Variants in ZBTB38 observed in about 807,000 individuals in gnomAD.
ZBTB38 encodes the protein zinc finger and BTB domain containing 38.
Under a neutral mutation model 76.8 loss-of-function variants are expected in ZBTB38, and 20 were observed. The observed-to-expected ratio is 0.26, with a 90% CI of 0.18 to 0.38. The LOEUF is 0.38. Ranked by LOEUF, ZBTB38 falls within the 10% of genes least tolerant of loss-of-function variation. The pLI is 1.00. For synonymous variants in ZBTB38, 504 were observed against 544.2 expected, an observed-to-expected ratio of 0.93 and a Z score of 1.03; for missense variants, 1,082 against 1,482.3, an observed-to-expected ratio of 0.73 and a Z score of 4.43.
intron 5 of ZBTB38, among the ~76,000 whole-genome samples, chr3:141,406,112 T>A (rs1424451335): frequency 2.0e-5 from 3 of 152,328 alleles, no homozygotes; most frequent in African/African-American, 7.2e-5. Context: ...GCATCAAAAC[T>A]GGAGAACATT....
At position 141,447,655 on chromosome 3, in the gene ZBTB38, G is replaced by A. The variant is rs2081199027; in HGVS notation, c.*1679G>A. The A allele has an allele frequency of 1.3e-5, 2 of 152,218 alleles. No individual in the cohort carries two copies. Among genetic ancestry groups the A allele is most frequent in the African/African-American group, 2.4e-5 (1 of 41,440 alleles). The allele number at this position is 152,218 out of a possible 1,614,324, so 9.4% of individuals were successfully genotyped here. ...TGACAGATGGAAACCCAAGGTTATCGAAGATTGGAAGGTTATCATTGTGAA... is the reference window on the plus strand; with the variant it reads ...TGACAGATGGAAACCCAAGGTTATCAAAGATTGGAAGGTTATCATTGTGAA... On this transcript the variant is annotated 3_prime_UTR_variant, in exon 6 of 6. Transcript: ENST00000321464.
intron 5 of ZBTB38, among the ~76,000 whole-genome samples, chr3:141,411,933 G>T (rs1015580856): frequency 3.3e-5 from 5 of 152,138 alleles, no homozygotes; most frequent in African/African-American, 1.2e-4. Flanking sequence ...TGTCACATTT[G>T]AAGAATCTCT....
chr3:141,402,741 C>T (rs936498224), intron 4 of ZBTB38: 13 of 152,104 alleles, frequency 8.5e-5, no homozygotes, highest in South Asian at 4.1e-4. Context: ...CGCCGCATCC[C>T]GTGGCCCAAC....
intron 1 of ZBTB38, among the ~76,000 whole-genome samples, chr3:141,333,506 T>C (rs1341421023): frequency 6.6e-6 from 1 of 152,114 alleles, no homozygotes; most frequent in Non-Finnish European, 1.5e-5. Context: ...ATTTGTGAGA[T>C]GGAGGCTCAG....
chr3:141,353,518 T>C (rs1404776612), intron 1 of ZBTB38, among the ~76,000 whole-genome samples: 1 of 151,500 alleles, frequency 6.6e-6, no homozygotes, highest in Non-Finnish European at 1.5e-5. Context: ...ACCAATACAA[T>C]AGATATTTCA....
At chr3:141,434,395 G>C (rs116077547) in intron 5 of ZBTB38, among the ~76,000 whole-genome samples, 2,054 of 151,392 alleles carry the variant, frequency 0.014, 44 homozygotes, top group African/African-American at 0.046. Flanking sequence ...TGTGTGCACT[G>C]GGGGGGCGGG....
chr3:141,446,043 G>T lies in ZBTB38; in HGVS notation c.*67G>T. ...TTTTTTTAGTTATGATTTAAGTTTA[G>T]TTTCATTTTGTCCATGTGACAGTCA... On this transcript the variant is annotated 3_prime_UTR_variant, in exon 6 of 6. Coordinates refer to ENST00000321464, the MANE Select transcript of ZBTB38 (RefSeq NM_001376113.1). 7.4e-7 allele frequency: 1 copy of T among 1,345,982 alleles called. No homozygotes were observed. The highest frequency in any genetic ancestry group is 1.0e-6 in the Non-Finnish European group (1 of 1,003,214). 83.4% of individuals were successfully genotyped at this position (1,345,982 alleles called of 1,614,324 possible).
At chr3:141,367,101 C>T (rs1181330250), upstream of ZBTB38, 1 of 152,342 alleles carries the variant, frequency 6.6e-6, no homozygotes, top group Non-Finnish European at 1.5e-5. Context: ...ACTCTAAAAC[C>T]ACACCACAGT....
chr3:141,441,380 G>A (rs1009409422), intron 5 of ZBTB38, among the ~76,000 whole-genome samples: 7 of 152,220 alleles, frequency 4.6e-5, no homozygotes, highest in African/African-American at 7.2e-5. Flanking sequence ...ATTCTTGTCC[G>A]TTCTTGTCAA....
chr3:141,366,732 A>T (rs778407324), upstream of ZBTB38: 2 of 152,172 alleles, frequency 1.3e-5, no homozygotes, highest in African/African-American at 2.4e-5. Context: ...TGGGAAGGAA[A>T]GCTGTGGGTG....
At chr3:141,436,542 G>A (rs904178790) in intron 5 of ZBTB38, among the ~76,000 whole-genome samples, 3 of 152,144 alleles carry the variant, frequency 2.0e-5, no homozygotes, top group African/African-American at 7.2e-5. Flanking sequence ...CTGTTGCCTA[G>A]GCTGGAATGC....
At chr3:141,431,337 A>T (rs1362323908) in intron 5 of ZBTB38, among the ~76,000 whole-genome samples, 1,512 of 101,998 alleles carry the variant, frequency 0.015, 112 homozygotes, top group African/African-American at 0.084. Context: ...AAAAAAAAAA[A>T]AAAAATATAT....
chr3:141,331,832 T>C (rs1252447948), intron 1 of ZBTB38, among the ~76,000 whole-genome samples: 2 of 152,220 alleles, frequency 1.3e-5, no homozygotes, highest in African/African-American at 2.4e-5. Flanking sequence ...TGTCTGGTGA[T>C]CATGCATCTG....
chr3:141,395,512 C>T (rs1950158120), intron 4 of ZBTB38, among the ~76,000 whole-genome samples: 1 of 152,152 alleles, frequency 6.6e-6, no homozygotes, highest in Non-Finnish European at 1.5e-5. Context: ...CAAGACAAAA[C>T]TGAAGATACT....
chr3:141,436,513 T>C (rs1577451120), intron 5 of ZBTB38, among the ~76,000 whole-genome samples: 2 of 152,196 alleles, frequency 1.3e-5, no homozygotes, highest in East Asian at 3.9e-4. Context: ...ATTTTTTTTG[T>C]GTGTGACTGA....
At chr3:141,341,431 G>A (rs889642363) in intron 1 of ZBTB38, among the ~76,000 whole-genome samples, 5 of 152,166 alleles carry the variant, frequency 3.3e-5, no homozygotes, top group Admixed American at 2.0e-4. Flanking sequence ...TAAACCGAAC[G>A]TCCATCAACT....
intron 1 of ZBTB38, among the ~76,000 whole-genome samples, chr3:141,333,762 C>T (rs967291468): frequency 6.6e-6 from 1 of 152,196 alleles, no homozygotes; most frequent in Non-Finnish European, 1.5e-5. Context: ...GGAGCACACA[C>T]TCACTGTGTA....
chr3:141,434,251 G>A (rs2078248358), intron 5 of ZBTB38: 1 of 970,254 alleles, frequency 1.0e-6, no homozygotes, highest in African/African-American at 1.8e-5. Flanking sequence ...CCAGGTAGGG[G>A]AACTAGGGAC....
chr3:141,426,265 A>G, intron 5 of ZBTB38: 1 of 1,119,948 alleles, frequency 8.9e-7, no homozygotes, highest in South Asian at 1.3e-5. Context: ...ACACCTGCCC[A>G]GACCCTGTCT....
Sources: gnomAD v4.1 joint callset for allele counts (sites outside exome capture counted in the v4.1 genomes callset) on GRCh38, gnomAD v4.1.1 for gene constraint, MANE v1.5 for transcripts, NCBI Gene and HGNC (gene_info 2026-07-23, HGNC 2026-07-21) for gene names.